USP9Y: variants seen among roughly 807,000 people sequenced by gnomAD.
USP9Y encodes ubiquitin specific peptidase 9 Y-linked.
A neutral mutation model predicts 53.1 loss-of-function variants in USP9Y; 41 were observed. The ratio of observed to expected loss-of-function variants is 0.77; its 90% CI spans 0.60 to 1.00. USP9Y has a LOEUF of 1.00. Ranked by LOEUF, USP9Y falls within the 50% of genes least tolerant of loss-of-function variation. The probability of loss-of-function intolerance (pLI) is 0.00; values close to 1 mark genes in which losing one functional copy is unlikely to be tolerated. For synonymous variants in USP9Y, 220 were observed against 173.7 expected (o/e 1.27, Z -2.09); for missense variants, 567 against 535.8 (o/e 1.06, Z -0.58).
chrY:12,750,218 A>G (rs2053463249), intron 12 of USP9Y, among the ~76,000 whole-genome samples: 1 of 33,418 alleles, frequency 3.0e-5, no homozygotes, highest in African/African-American at 1.2e-4. Flanking sequence ...GTAAAGAAAC[A>G]TGTATCTTGT....
intron 14 of USP9Y, 42 bp downstream of exon 14, chrY:12,758,684 A>G (rs764362915): frequency 1.0e-5 from 3 of 293,294 alleles, no homozygotes; most frequent in Non-Finnish European, 1.5e-5. Context: ...TTTTATCTGT[A>G]TATTATGTTG....
intron 33 of USP9Y, among the ~76,000 whole-genome samples, chrY:12,828,446 T>C (rs1025503212): frequency 8.9e-5 from 3 of 33,727 alleles, no homozygotes; most frequent in African/African-American, 3.5e-4. Flanking sequence ...AGGAAACTTA[T>C]ATGATGACTT....
chrY:12,728,264 A>G, intron 7 of USP9Y, among the ~76,000 whole-genome samples: 1 of 31,894 alleles, frequency 3.1e-5, no homozygotes, highest in Admixed American at 2.9e-4. Flanking sequence ...TTTTGTTGCT[A>G]TTATAGTATT....
chrY:12,739,894 G>A (rs1025501431), intron 12 of USP9Y, among the ~76,000 whole-genome samples: 3 of 33,295 alleles, frequency 9.0e-5, no homozygotes, highest in Admixed American at 8.3e-4. Flanking sequence ...ATTTCCACTG[G>A]TAATTTTCAT....
chrY:12,748,148 C>CA (rs2053461833), intron 12 of USP9Y, among the ~76,000 whole-genome samples: 14 of 25,755 alleles, frequency 5.4e-4, no homozygotes, highest in South Asian at 1.7e-3. Flanking sequence ...GACCATGCAT[C>CA]AAAAAAAAAA....
intron 18 of USP9Y, among the ~76,000 whole-genome samples, chrY:12,776,392 C>T (rs2053492532): frequency 3.0e-5 from 1 of 32,951 alleles, no homozygotes; most frequent in Non-Finnish European, 7.5e-5. Flanking sequence ...CCACCTGCCT[C>T]GGCCTCCCAA....
chrY:12,810,561 T>C (rs2053529196), intron 28 of USP9Y, 111 bp from the exon 29 acceptor site: 1 of 234,586 alleles, frequency 4.3e-6, no homozygotes, highest in Non-Finnish European at 6.8e-6. Context: ...ATAGTACATC[T>C]TTGTCATTGA....
At chrY:12,780,800 G>A in intron 22 of USP9Y, among the ~76,000 whole-genome samples, 2 of 32,951 alleles carry the variant, frequency 6.1e-5, no homozygotes, top group East Asian at 1.6e-3. Flanking sequence ...TTTGTTGTTT[G>A]TTGTGTGTAC....
chrY:12,764,439 C>G (rs936293507), intron 15 of USP9Y, among the ~76,000 whole-genome samples: 8 of 33,665 alleles, frequency 2.4e-4, no homozygotes, highest in African/African-American at 4.6e-4. Flanking sequence ...GAGAAAAATA[C>G]TAACTTTTCA....
intron 1 of USP9Y, among the ~76,000 whole-genome samples, chrY:12,707,980 C>T (rs2053420957): frequency 3.1e-5 from 1 of 32,507 alleles, no homozygotes; most frequent in Non-Finnish European, 7.5e-5. Context: ...CCTCGTGATC[C>T]GCCCGCCTCG....
At chrY:12,759,447 G>C (rs376117233) in intron 14 of USP9Y, among the ~76,000 whole-genome samples, 1 of 33,029 alleles carries the variant, frequency 3.0e-5, no homozygotes, top group South Asian at 6.8e-4. Context: ...TGTAATCCTA[G>C]CACTTTGCGA....
chrY:12,857,615 A>C lies in USP9Y; in HGVS notation c.7484A>C (p.Glu2495Ala). Residue 2495 changes from glutamate to alanine, a missense_variant, in exon 45 of 46, where the codon GAA becomes GCA. By Grantham distance (107) the Glu-to-Ala change is moderately radical. Coordinates refer to ENST00000338981, the MANE Select transcript of USP9Y (RefSeq NM_004654.4). Reference sequence around the variant, plus strand: ...GATGAGCATGAGCCCTCTCCATCAGAAGATGCCCCATTATATCCTCATTCA... The same window carrying C: ...GATGAGCATGAGCCCTCTCCATCAGCAGATGCCCCATTATATCCTCATTCA... The part of the protein sequence containing the change: ...APDEHEPSPS[E>A]DAPLYPHSPA... The C allele has an allele frequency of 2.6e-6, 1 of 387,698 alleles. No homozygotes were observed. Among genetic ancestry groups the C allele is most frequent in the Non-Finnish European group, 3.6e-6 (1 of 277,359 alleles).
At chrY:12,713,636 T>C (rs2053427011) in intron 3 of USP9Y, among the ~76,000 whole-genome samples, 1 of 32,764 alleles carries the variant, frequency 3.1e-5, no homozygotes, top group African/African-American at 1.2e-4. Context: ...TCCAGTCTCT[T>C]GCTTATATGA....
intron 7 of USP9Y, among the ~76,000 whole-genome samples, chrY:12,734,597 T>C: frequency 3.0e-5 from 1 of 33,798 alleles, no homozygotes; most frequent in Non-Finnish European, 7.3e-5. Flanking sequence ...AAATATAATA[T>C]TATAGTAAAA....
intron 27 of USP9Y, chrY:12,803,814 A>G (rs957571493): frequency 2.8e-5 from 1 of 35,566 alleles, no homozygotes; most frequent in African/African-American, 1.2e-4. Context: ...TTCAACCTCA[A>G]ACTCCTGGGA....
At chrY:12,829,902 G>A in intron 33 of USP9Y, among the ~76,000 whole-genome samples, 1 of 32,517 alleles carries the variant, frequency 3.1e-5, no homozygotes, top group Non-Finnish European at 7.6e-5. Flanking sequence ...ATACTCAGCC[G>A]TTACTGATAA....
intron 27 of USP9Y, among the ~76,000 whole-genome samples, chrY:12,798,249 T>G: frequency 3.0e-5 from 1 of 33,574 alleles, no homozygotes; most frequent in African/African-American, 1.2e-4. Context: ...GATTTTAGAA[T>G]GTTTGCATAT....
chrY:12,830,178 C>T, intron 33 of USP9Y, among the ~76,000 whole-genome samples: 1 of 33,118 alleles, frequency 3.0e-5, no homozygotes, highest in Admixed American at 2.8e-4. Flanking sequence ...AAATACAACA[C>T]GGCAAAGAAA....
At chrY:12,835,647 T>C (rs1603203093) in intron 34 of USP9Y, among the ~76,000 whole-genome samples, 1 of 32,795 alleles carries the variant, frequency 3.0e-5, no homozygotes, top group African/African-American at 1.2e-4. Context: ...ACCCCATTTC[T>C]ACTAAAAATA....
Sources: allele counts gnomAD v4.1 joint callset (sites outside exome capture counted in the v4.1 genomes callset), GRCh38; gene constraint gnomAD v4.1.1; transcripts MANE v1.5; gene names NCBI Gene and HGNC (gene_info 2026-07-23, HGNC 2026-07-21).